THSD7A: variants seen among roughly 807,000 people sequenced by gnomAD.
THSD7A encodes thrombospondin type-1 domain-containing protein 7A.
Under a neutral mutation model 231.3 loss-of-function variants are expected in THSD7A, and 96 were observed. The observed-to-expected ratio is 0.41, with a 90% CI of 0.35 to 0.49. The LOEUF (loss-of-function observed/expected upper bound fraction) is 0.49. THSD7A is among the 20% of genes least tolerant of loss of function. The pLI, the probability that THSD7A is intolerant of heterozygous loss-of-function variation, is 0.05. For missense variants in THSD7A, 2,290 were observed against 2,070.2 expected, an observed-to-expected ratio of 1.11 and a Z score of -2.06; for synonymous variants, 940 against 743.3, an observed-to-expected ratio of 1.26 and a Z score of -4.30.
At chr7:11,661,002 C>G (rs1782909528) in intron 1 of THSD7A, among the ~76,000 whole-genome samples, 1 of 151,262 alleles carries the variant, frequency 6.6e-6, no homozygotes, top group Non-Finnish European at 1.5e-5. Flanking sequence ...GGAGGTATTT[C>G]CCAATTATTA....
At chr7:11,618,427 G>A (rs1486865830) in intron 2 of THSD7A, among the ~76,000 whole-genome samples, 2 of 152,264 alleles carry the variant, frequency 1.3e-5, no homozygotes, top group East Asian at 3.9e-4. Context: ...TGTGTAGGTT[G>A]ATATGAATAC....
intron 27 of THSD7A, 79 bp from the exon 28 acceptor site, chr7:11,375,957 A>G (rs886495280): frequency 1.5e-6 from 2 of 1,357,472 alleles, no homozygotes; most frequent in Non-Finnish European, 2.1e-6. Flanking sequence ...AAAAAAAAGT[A>G]AAAGCAAATT....
chr7:11,423,418 G>A (rs1040845969), intron 16 of THSD7A, among the ~76,000 whole-genome samples: 1 of 149,302 alleles, frequency 6.7e-6, no homozygotes, highest in Non-Finnish European at 1.5e-5. Context: ...CCCCAGGCTG[G>A]AGTGCAGTGG....
At chr7:11,653,736 C>A (rs1328294852) in intron 1 of THSD7A, among the ~76,000 whole-genome samples, 1 of 151,782 alleles carries the variant, frequency 6.6e-6, no homozygotes, top group Non-Finnish European at 1.5e-5. Context: ...CTTCAACAAG[C>A]ACAATAGCAG....
At chr7:11,786,775 A>G (rs9632567) in intron 1 of THSD7A, among the ~76,000 whole-genome samples, 34,279 of 148,456 alleles carry the variant, frequency 0.23, 4,066 homozygotes, top group East Asian at 0.37. Context: ...AAAAAAAAAA[A>G]AAAAAGAAAA....
intron 1 of THSD7A, among the ~76,000 whole-genome samples, chr7:11,796,976 T>G (rs1437061264): frequency 6.6e-6 from 1 of 152,142 alleles, no homozygotes; most frequent in Non-Finnish European, 1.5e-5. Flanking sequence ...TAATTTTTTT[T>G]CATTTCTGAT....
chr7:11,603,989 T>G (rs1432426610), intron 2 of THSD7A, among the ~76,000 whole-genome samples: 1 of 150,920 alleles, frequency 6.6e-6, no homozygotes, highest in Non-Finnish European at 1.5e-5. Flanking sequence ...GTAACTAATC[T>G]GCACAATGTG....
At chr7:11,828,670 A>G (rs959609485) in intron 1 of THSD7A, among the ~76,000 whole-genome samples, 16 of 152,332 alleles carry the variant, frequency 1.1e-4, no homozygotes, top group African/African-American at 3.8e-4. Flanking sequence ...CAGTGGTTAC[A>G]TATTTTAGCT....
At chr7:11,599,059 C>T (rs1169815157) in intron 2 of THSD7A, among the ~76,000 whole-genome samples, 1 of 152,086 alleles carries the variant, frequency 6.6e-6, no homozygotes, top group Non-Finnish European at 1.5e-5. Context: ...GCATGGAATA[C>T]AGGAGATCCA....
At chr7:11,495,528 T>A (rs974761942) in intron 6 of THSD7A, among the ~76,000 whole-genome samples, 2 of 152,130 alleles carry the variant, frequency 1.3e-5, no homozygotes, top group African/African-American at 4.8e-5. Context: ...TGGTGAACAG[T>A]TTCAAAGAAG....
chr7:11,748,030 A>G (rs1782368243), intron 1 of THSD7A, among the ~76,000 whole-genome samples: 1 of 151,964 alleles, frequency 6.6e-6, no homozygotes, highest in South Asian at 2.1e-4. Context: ...ATGAATTTCT[A>G]CTTTAACCTA....
At chr7:11,569,564 G>A (rs773674219) in intron 4 of THSD7A, among the ~76,000 whole-genome samples, 2 of 152,138 alleles carry the variant, frequency 1.3e-5, no homozygotes, top group Non-Finnish European at 2.9e-5. Context: ...GTGAACAAGA[G>A]TTCCCTGTTG....
At chr7:11,477,841 G>C (rs186113812) in intron 7 of THSD7A, among the ~76,000 whole-genome samples, 4 of 152,098 alleles carry the variant, frequency 2.6e-5, no homozygotes, top group Non-Finnish European at 5.9e-5. Flanking sequence ...AGGTCTTGCT[G>C]CTCTCAGGTC....
At chr7:11,493,639 T>G (rs1167634979) in intron 6 of THSD7A, among the ~76,000 whole-genome samples, 1 of 152,110 alleles carries the variant, frequency 6.6e-6, no homozygotes, top group Non-Finnish European at 1.5e-5. Flanking sequence ...AATTTACATA[T>G]AGTTATTTAA....
chr7:11,673,950 C>T (rs1391948266), intron 1 of THSD7A, among the ~76,000 whole-genome samples: 7 of 152,020 alleles, frequency 4.6e-5, no homozygotes, highest in African/African-American at 7.2e-5. Flanking sequence ...ATACTGGTTG[C>T]GTACACGTGG....
chr7:11,703,320 C>G (rs1780664036), intron 1 of THSD7A, among the ~76,000 whole-genome samples: 1 of 151,214 alleles, frequency 6.6e-6, no homozygotes, highest in African/African-American at 2.4e-5. Context: ...AATGAACACA[C>G]ACACACAAAC....
At chr7:11,661,573 A>G (rs1431123846) in intron 1 of THSD7A, among the ~76,000 whole-genome samples, 3 of 151,310 alleles carry the variant, frequency 2.0e-5, no homozygotes, top group African/African-American at 7.3e-5. Flanking sequence ...AACTTAACAA[A>G]TAGGTTAAGC....
intron 1 of THSD7A, among the ~76,000 whole-genome samples, chr7:11,728,672 G>T (rs1781625059): frequency 6.6e-6 from 1 of 151,824 alleles, no homozygotes; most frequent in African/African-American, 2.4e-5. Context: ...AATGCATTTT[G>T]TACTTTGAGG....
chr7:11,782,101 G>A (rs948227659), intron 1 of THSD7A, among the ~76,000 whole-genome samples: 8 of 152,100 alleles, frequency 5.3e-5, no homozygotes, highest in African/African-American at 1.9e-4. Context: ...ACTATTATGG[G>A]TATAAAGTTG....
Sources: allele counts gnomAD v4.1 joint callset (sites outside exome capture counted in the v4.1 genomes callset), GRCh38; gene constraint gnomAD v4.1.1; transcripts MANE v1.5; gene names NCBI Gene and HGNC (gene_info 2026-07-23, HGNC 2026-07-21).